ZMPSTE24: variants seen among roughly 807,000 people sequenced by gnomAD.
The protein encoded by ZMPSTE24 is zinc metallopeptidase STE24.
In ZMPSTE24, 48 loss-of-function variants were observed where a neutral mutation model predicts 56.7. The observed-to-expected ratio is 0.85, with a 90% CI of 0.67 to 1.08. The LOEUF (loss-of-function observed/expected upper bound fraction) is 1.08. Ranked by LOEUF, ZMPSTE24 falls within the 50% of genes least tolerant of loss-of-function variation. The probability of loss-of-function intolerance (pLI) is 0.00; values close to 1 mark genes in which losing one functional copy is unlikely to be tolerated. For missense variants in ZMPSTE24, 503 were observed against 548.7 expected, an observed-to-expected ratio of 0.92 and a Z score of 0.83; for synonymous variants, 172 against 195.2, an observed-to-expected ratio of 0.88 and a Z score of 0.99.
At chr1:40,289,004 A>G (rs946911567) in intron 8 of ZMPSTE24, among the ~76,000 whole-genome samples, 1 of 151,778 alleles carries the variant, frequency 6.6e-6, no homozygotes, top group Non-Finnish European at 1.5e-5. Context: ...CTGTAATACC[A>G]CAGCAGTCCA....
At chr1:40,280,254 C>T (rs776932686) in intron 6 of ZMPSTE24, among the ~76,000 whole-genome samples, 7 of 152,072 alleles carry the variant, frequency 4.6e-5, no homozygotes, top group Non-Finnish European at 8.8e-5. Flanking sequence ...CCTGCCACTA[C>T]GCTCCTCATC....
chr1:40,270,632 A>C (rs1569631160), intron 5 of ZMPSTE24, among the ~76,000 whole-genome samples: 2 of 150,260 alleles, frequency 1.3e-5, no homozygotes, highest in East Asian at 1.9e-4. Flanking sequence ...TCTATCTTTT[A>C]CCCATTCTTC....
chr1:40,270,376 G>T (rs1430597174), intron 5 of ZMPSTE24, among the ~76,000 whole-genome samples: 1 of 152,094 alleles, frequency 6.6e-6, no homozygotes, highest in Non-Finnish European at 1.5e-5. Context: ...TGATTCAGTT[G>T]TCAGGCAGTT....
At position 40,270,121 on chromosome 1, in the gene ZMPSTE24, G is replaced by A. The variant is rs753651355; in HGVS notation, c.621G>A (p.Val207=). The A allele has an allele frequency of 3.7e-6, 6 of 1,613,858 alleles. No homozygotes were observed. The South Asian group carries it at 5.5e-5, about 15-fold the overall frequency. ...FIYAWLFTLV[V]SLVLVTIYAD... ...ATGCCTGGCTGTTCACATTAGTTGT[G>A]TCTCTGGTGAGTAAAATCTTTATTT... Residue 207 remains valine (V), a synonymous_variant, in exon 5 of 10, where the codon GTG becomes GTA. Coordinates refer to ENST00000372759, the MANE Select transcript of ZMPSTE24 (RefSeq NM_005857.5).
At chr1:40,271,865 C>A in intron 5 of ZMPSTE24, 29 bp from the exon 6 acceptor site, 2 of 1,610,718 alleles carry the variant, frequency 1.2e-6, no homozygotes, top group South Asian at 1.1e-5. Context: ...AGAACATGTT[C>A]ATATGTTATT....
At chr1:40,262,144 GA>G (rs1643504024) in intron 2 of ZMPSTE24, among the ~76,000 whole-genome samples, 1 of 152,196 alleles carries the variant, frequency 6.6e-6, no homozygotes, top group South Asian at 2.1e-4. Context: ...ATGAGTTAAA[GA>G]AACTGGCTTT....
At position 40,292,201 on chromosome 1, in the gene ZMPSTE24, A is replaced by T. The variant is rs544785924; in HGVS notation, c.1204-244A>T. On this transcript the variant is annotated intron_variant, in intron 9 of 9. Coordinates refer to ENST00000372759, the MANE Select transcript of ZMPSTE24 (RefSeq NM_005857.5). ...AAAGTTTCAGATTTTGGAACATTTCAGATTTCAAGTTTTTGGTTAGGGATG... is the reference window on the plus strand; with the variant it reads ...AAAGTTTCAGATTTTGGAACATTTCTGATTTCAAGTTTTTGGTTAGGGATG... Among the ~76,000 whole-genome samples the T allele has an allele frequency of 4.3e-4, 66 of 152,128 alleles. 2 individuals are homozygous for T. Among genetic ancestry groups the T allele is most frequent in the Non-Finnish European group, 8.8e-4 (60 of 68,016 alleles).
rs758513484 is a variant in ZMPSTE24 at position 40,283,688 on chromosome 1, G to A, written c.954+2161G>A. 1.8e-4 allele frequency among the ~76,000 whole-genome samples: 27 copies of A among 152,006 alleles called. No homozygotes were observed. The South Asian group carries it at 1.9e-3, about 11-fold the overall frequency. On this transcript the variant is annotated intron_variant, in intron 7 of 9. Transcript: ENST00000372759. ...ACTGTTTTCATCCACTGTAATATATGCATTAGGCCCTTTTATTCTGGAAAT... is the reference window on the plus strand; with the variant it reads ...ACTGTTTTCATCCACTGTAATATATACATTAGGCCCTTTTATTCTGGAAAT...
intron 7 of ZMPSTE24, among the ~76,000 whole-genome samples, chr1:40,282,928 C>T (rs1347485315): frequency 2.6e-5 from 4 of 152,142 alleles, no homozygotes; most frequent in Non-Finnish European, 5.9e-5. Flanking sequence ...AAGATACCTA[C>T]ATTTTAGGGT....
At chr1:40,291,129 C>T in intron 9 of ZMPSTE24, 132 bp downstream of exon 9, 4 of 1,189,534 alleles carry the variant, frequency 3.4e-6, no homozygotes, top group Non-Finnish European at 3.5e-6. Context: ...TTTTAGTCCC[C>T]TGATTCACTG....
At chr1:40,260,350 C>G (rs572097476) in intron 1 of ZMPSTE24, among the ~76,000 whole-genome samples, 1 of 152,104 alleles carries the variant, frequency 6.6e-6, no homozygotes, top group Non-Finnish European at 1.5e-5. Flanking sequence ...CGTGACCCAC[C>G]GTGCCCGGCT....
intron 9 of ZMPSTE24, among the ~76,000 whole-genome samples, chr1:40,291,889 G>A (rs1358851494): frequency 6.7e-6 from 1 of 149,258 alleles, no homozygotes; most frequent in Non-Finnish European, 1.5e-5. Context: ...CTCCCAGGCT[G>A]GAGTGCAGGG....
intron 2 of ZMPSTE24, chr1:40,262,885 C>A: frequency 8.6e-7 from 1 of 1,158,366 alleles, no homozygotes; most frequent in East Asian, 7.4e-5. Flanking sequence ...AAGTAATACT[C>A]AAGAGTTCTT....
chr1:40,261,219 A>G (rs947388330), intron 2 of ZMPSTE24, among the ~76,000 whole-genome samples: 3 of 152,208 alleles, frequency 2.0e-5, no homozygotes, highest in Non-Finnish European at 4.4e-5. Flanking sequence ...ATCCTCTTCC[A>G]TTAGGATCCA....
chr1:40,287,228 G>A (rs907726926), intron 8 of ZMPSTE24, among the ~76,000 whole-genome samples: 34 of 151,078 alleles, frequency 2.3e-4, no homozygotes, highest in African/African-American at 7.8e-4. Context: ...CACCGCGCCC[G>A]GCTAATTTTT....
chr1:40,268,969 G>A (rs1481006618), intron 4 of ZMPSTE24, among the ~76,000 whole-genome samples: 2 of 150,718 alleles, frequency 1.3e-5, no homozygotes, highest in African/African-American at 2.4e-5. Context: ...CCAGCTACTC[G>A]AGAGGCTGAG....
chr1:40,283,171 C>T (rs1444340058), intron 7 of ZMPSTE24, among the ~76,000 whole-genome samples: 1 of 151,992 alleles, frequency 6.6e-6, no homozygotes, highest in African/African-American at 2.4e-5. Context: ...AAAGAATAAC[C>T]CAGTGATAAC....
In ZMPSTE24 at chr1:40,281,440, A is replaced by G; in HGVS notation, c.867A>G (p.Val289=). ...ACACTCTACTAGAAGAGTACTCTGTACTAAACAAAGACATCCAGGAGGATT... is the reference window on the plus strand; with the variant it reads ...ACACTCTACTAGAAGAGTACTCTGTGCTAAACAAAGACATCCAGGAGGATT... The part of the protein sequence containing the change: ...LFDTLLEEYS[V]LNKDIQEDSG... Residue 289 remains valine, a synonymous_variant, in exon 7 of 10, where the codon GTA becomes GTG. Transcript: ENST00000372759. The G allele has an allele frequency of 6.2e-7, 1 of 1,614,172 alleles. No homozygotes were observed. Among genetic ancestry groups the G allele is most frequent in the Non-Finnish European group, 8.5e-7 (1 of 1,180,002 alleles).
chr1:40,290,450 ATTTTTTTTTTT>A (rs996301433), intron 8 of ZMPSTE24, among the ~76,000 whole-genome samples: 16 of 82,590 alleles, frequency 1.9e-4, no homozygotes, highest in South Asian at 4.5e-4. Context: ...CACACTATGA[ATTTTTTTTTTT>A]TTTTTTTTTT....
Sources: gnomAD v4.1 joint callset for allele counts (sites outside exome capture counted in the v4.1 genomes callset) on GRCh38, gnomAD v4.1.1 for gene constraint, MANE v1.5 for transcripts, NCBI Gene and HGNC (gene_info 2026-07-23, HGNC 2026-07-21) for gene names.